Variants in DOCK3 observed in about 807,000 individuals in gnomAD.
DOCK3 encodes dedicator of cytokinesis 3, also known as dedicator of cytokinesis protein 3.
A neutral mutation model predicts 265.6 loss-of-function variants in DOCK3; 60 were observed. That is an observed-to-expected ratio of 0.23 (90% CI 0.18 to 0.28). The LOEUF (loss-of-function observed/expected upper bound fraction) is 0.28, where lower values mean the gene tolerates loss of function less well. Ranked by LOEUF, DOCK3 falls within the 10% of genes least tolerant of loss-of-function variation. The pLI is 1.00. For synonymous variants in DOCK3, 881 were observed against 938.0 expected, an observed-to-expected ratio of 0.94 and a Z score of 1.11; for missense variants, 1,981 against 2,594.3, an observed-to-expected ratio of 0.76 and a Z score of 5.14.
chr3:51,242,855 TA>T lies in DOCK3; in HGVS notation c.2103-3868del, dbSNP rs569267777. ...ACCTGCCAGTACAGACACAAGCCAG[TA>T]AAGCATTGTGGAGAGTTGCAGTGGG... On this transcript the variant is annotated intron_variant, in intron 21 of 52. Coordinates refer to ENST00000266037, the MANE Select transcript of DOCK3 (RefSeq NM_004947.5). 3.0e-3 allele frequency among the ~76,000 whole-genome samples: 451 copies of T among 152,206 alleles called. 2 individuals carry two copies. Among genetic ancestry groups the T allele is most frequent in the African/African-American group, 0.01 (430 of 41,518 alleles).
chr3:50,760,843 G>T (rs148996405), intron 1 of DOCK3, among the ~76,000 whole-genome samples: 2 of 150,724 alleles, frequency 1.3e-5, no homozygotes, highest in East Asian at 1.9e-4. Context: ...GTGCAATGGC[G>T]TGATCTCGGC....
chr3:51,192,589 C>A (rs1446479472), intron 12 of DOCK3, among the ~76,000 whole-genome samples: 2 of 151,962 alleles, frequency 1.3e-5, no homozygotes. Flanking sequence ...TCAAGGGAAA[C>A]CATTCCTCAT....
At chr3:50,766,769 T>G (rs997727907) in intron 1 of DOCK3, among the ~76,000 whole-genome samples, 31 of 152,284 alleles carry the variant, frequency 2.0e-4, no homozygotes, top group African/African-American at 6.5e-4. Context: ...TTTCTCCACA[T>G]CCTCTCCAGC....
intron 49 of DOCK3, among the ~76,000 whole-genome samples, chr3:51,364,098 C>G (rs552012394): frequency 6.6e-6 from 1 of 152,358 alleles, no homozygotes; most frequent in East Asian, 1.9e-4. Flanking sequence ...TTTACAGTCC[C>G]ACCAACAGTG....
chr3:51,042,094 C>T (rs2080557086), intron 5 of DOCK3, among the ~76,000 whole-genome samples: 1 of 152,212 alleles, frequency 6.6e-6, no homozygotes, highest in Non-Finnish European at 1.5e-5. Flanking sequence ...AGGCCAGCAT[C>T]ATCCTGATAC....
intron 5 of DOCK3, among the ~76,000 whole-genome samples, chr3:51,051,723 G>A (rs1239730256): frequency 1.3e-5 from 2 of 152,178 alleles, no homozygotes; most frequent in African/African-American, 4.8e-5. Flanking sequence ...ACAAAGAAAA[G>A]AGGTTTAATT....
intron 5 of DOCK3, among the ~76,000 whole-genome samples, chr3:51,060,934 T>C (rs1293344759): frequency 6.6e-6 from 1 of 152,104 alleles, no homozygotes; most frequent in Non-Finnish European, 1.5e-5. Flanking sequence ...AAGAAGACAT[T>C]TATGCAGCCA....
chr3:51,379,252 A>G (rs2088402797), intron 51 of DOCK3, among the ~76,000 whole-genome samples: 2 of 152,192 alleles, frequency 1.3e-5, no homozygotes, highest in South Asian at 4.1e-4. Context: ...CCTCCTCTTA[A>G]GCAGCTTCAA....
At chr3:51,332,108 G>C (rs921006761) in intron 33 of DOCK3, among the ~76,000 whole-genome samples, 1 of 152,222 alleles carries the variant, frequency 6.6e-6, no homozygotes, top group African/African-American at 2.4e-5. Flanking sequence ...ACAGCAGTCA[G>C]GCTGTGGGTT....
intron 35 of DOCK3, among the ~76,000 whole-genome samples, chr3:51,337,590 T>C (rs2084956001): frequency 6.6e-6 from 1 of 152,234 alleles, no homozygotes; most frequent in Admixed American, 6.5e-5. Flanking sequence ...CTGGCTGGCA[T>C]AGGAGATGTC....
intron 22 of DOCK3, among the ~76,000 whole-genome samples, chr3:51,253,915 C>G (rs189788961): frequency 6.3e-4 from 95 of 151,714 alleles, no homozygotes; most frequent in African/African-American, 2.2e-3. Context: ...TTTAGAGAAG[C>G]AAGTGTTTGC....
chr3:51,209,851 C>T (rs73089145), intron 13 of DOCK3, among the ~76,000 whole-genome samples: 6,518 of 152,296 alleles, frequency 0.043, 217 homozygotes, highest in Non-Finnish European at 0.065. Flanking sequence ...TCCTCTAAAA[C>T]CCTAGTGGGG....
At chr3:51,117,494 G>A (rs1197154625) in intron 9 of DOCK3, among the ~76,000 whole-genome samples, 1 of 152,132 alleles carries the variant, frequency 6.6e-6, no homozygotes, top group African/African-American at 2.4e-5. Flanking sequence ...GAGTTAGGGA[G>A]GAGTCCTTCT....
intron 5 of DOCK3, among the ~76,000 whole-genome samples, chr3:50,956,206 T>C (rs1405330149): frequency 6.6e-6 from 1 of 152,208 alleles, no homozygotes; most frequent in Non-Finnish European, 1.5e-5. Flanking sequence ...TTATAGAAGA[T>C]ATTTTAGAGA....
chr3:50,747,214 C>T (rs1207208673), intron 1 of DOCK3, among the ~76,000 whole-genome samples: 1 of 152,186 alleles, frequency 6.6e-6, no homozygotes, highest in East Asian at 1.9e-4. Context: ...TTTTGATTAT[C>T]GTAGCTTTAT....
intron 2 of DOCK3, chr3:50,786,954 G>A (rs914443294): frequency 4.9e-5 from 36 of 741,558 alleles, no homozygotes; most frequent in Admixed American, 4.7e-4. Context: ...CATGTAAATG[G>A]CATGTCTTTC....
At chr3:50,738,774 T>C (rs1172885726) in intron 1 of DOCK3, among the ~76,000 whole-genome samples, 1 of 152,178 alleles carries the variant, frequency 6.6e-6, no homozygotes, top group Non-Finnish European at 1.5e-5. Flanking sequence ...AAATAAAATG[T>C]CACTTTACTT....
At chr3:51,187,311 T>C (rs2087667391) in intron 12 of DOCK3, among the ~76,000 whole-genome samples, 1 of 152,220 alleles carries the variant, frequency 6.6e-6, no homozygotes, top group Non-Finnish European at 1.5e-5. Flanking sequence ...CCCCTTTGTT[T>C]TGGCCAAAGT....
chr3:51,331,064 C>G (rs2084486396), intron 33 of DOCK3, among the ~76,000 whole-genome samples: 1 of 152,170 alleles, frequency 6.6e-6, no homozygotes, highest in Non-Finnish European at 1.5e-5. Flanking sequence ...CACAACATAC[C>G]TGCAAGGTGT....
Sources: gnomAD v4.1 joint callset for allele counts (sites outside exome capture counted in the v4.1 genomes callset) on GRCh38, gnomAD v4.1.1 for gene constraint, MANE v1.5 for transcripts, NCBI Gene and HGNC (gene_info 2026-07-23, HGNC 2026-07-21) for gene names.